The following SLC44A5 variants were observed in gnomAD, a reference collection of about 807,000 sequenced individuals.
SLC44A5 encodes the protein choline transporter-like protein 5.
In SLC44A5, 57 loss-of-function variants were observed where a neutral mutation model predicts 101.8. The observed-to-expected ratio is 0.56, with a 90% CI of 0.45 to 0.70. The LOEUF (loss-of-function observed/expected upper bound fraction) is 0.70, where lower values mean the gene tolerates loss of function less well. Among genes scored for constraint, SLC44A5 ranks in the 30% least tolerant of loss-of-function variants. The pLI, the probability that SLC44A5 is intolerant of heterozygous loss-of-function variation, is 0.00. For synonymous variants in SLC44A5, 281 were observed against 290.9 expected, an observed-to-expected ratio of 0.97 and a Z score of 0.35; for missense variants, 737 against 853.1, an observed-to-expected ratio of 0.86 and a Z score of 1.70.
At chr1:75,569,494 G>A (rs1436889980) in intron 1 of SLC44A5, among the ~76,000 whole-genome samples, 1 of 151,976 alleles carries the variant, frequency 6.6e-6, no homozygotes, top group Non-Finnish European at 1.5e-5. Flanking sequence ...TGCCCTCATA[G>A]GCCTCACAAA....
intron 4 of SLC44A5, among the ~76,000 whole-genome samples, chr1:75,316,386 A>G (rs1371432186): frequency 6.6e-6 from 1 of 151,604 alleles, no homozygotes; most frequent in Non-Finnish European, 1.5e-5. Context: ...CCCAGCTTAA[A>G]TGTTACCACC....
In SLC44A5 at chr1:75,527,270, T is replaced by TAGAAAGGG. The variant is rs200646721; in HGVS notation, c.13+14157_13+14164dup. ...AGAGAGAAGGAAAGAGAGAGAAAGT[T>TAGAAAGGG]AGAAAGGGAGAAAGGGAGAAAGAGA... On this transcript the variant is annotated intron_variant, in intron 2 of 23. Transcript: ENST00000370859. Among the ~76,000 whole-genome samples the TAGAAAGGG allele has an allele frequency of 2.0e-3, 252 of 125,406 alleles. 1 individual carries two copies. Among genetic ancestry groups the TAGAAAGGG allele is most frequent in the Non-Finnish European group, 1.6e-3 (96 of 61,004 alleles). 82.3% of individuals were successfully genotyped at this position (125,406 alleles called of 152,430 possible).
At chr1:75,233,261 T>C (rs973187425) in intron 12 of SLC44A5, among the ~76,000 whole-genome samples, 1 of 152,172 alleles carries the variant, frequency 6.6e-6, no homozygotes, top group African/African-American at 2.4e-5. Context: ...GTTATATGTA[T>C]ATATTGCATA....
rs1647005719 is a variant in SLC44A5 at position 75,218,400 on chromosome 1, C to T, written c.1529+90G>A. ...TTCATACCTTTGATTTCATTTGTAC[C>T]TTGCCACTTGAATTAATGAGCCAAG... On this transcript the variant is annotated intron_variant, in intron 17 of 23. Transcript: ENST00000370859. The T allele has an allele frequency of 3.4e-6, 5 of 1,490,632 alleles. No homozygotes were observed. The South Asian group carries it at 3.8e-5, about 11-fold the overall frequency. The allele number at this position is 1,490,632 out of a possible 1,614,324, so 92.3% of individuals were successfully genotyped here.
At chr1:75,711,871 T>C in the SLC44A5 span, among the ~76,000 whole-genome samples, 3 of 152,238 alleles carry the variant, frequency 2.0e-5, no homozygotes, top group Non-Finnish European at 4.4e-5. Context: ...ATGACCATCT[T>C]ATTCTGACTC....
At chr1:75,527,568 C>T (rs1670489976) in intron 2 of SLC44A5, among the ~76,000 whole-genome samples, 1 of 152,158 alleles carries the variant, frequency 6.6e-6, no homozygotes, top group African/African-American at 2.4e-5. Context: ...TGGAAGAAAA[C>T]ATATCTGGCT....
chr1:75,385,921 T>G (rs1281212925), intron 3 of SLC44A5, among the ~76,000 whole-genome samples: 1 of 152,120 alleles, frequency 6.6e-6, no homozygotes, highest in Non-Finnish European at 1.5e-5. Context: ...AATCAATAAA[T>G]GTAATCCAGC....
upstream of SLC44A5, among the ~76,000 whole-genome samples, chr1:75,613,158 T>TCC (rs1255709531): frequency 6.6e-6 from 1 of 152,218 alleles, no homozygotes; most frequent in Non-Finnish European, 1.5e-5. Context: ...GAATGATCTC[T>TCC]CCCTGCATGC....
At chr1:75,405,399 A>T (rs535119839) in intron 2 of SLC44A5, among the ~76,000 whole-genome samples, 1 of 152,216 alleles carries the variant, frequency 6.6e-6, no homozygotes. Flanking sequence ...TCAACAGAAT[A>T]TACATTCTTC....
At chr1:75,681,816 T>C in the SLC44A5 span, among the ~76,000 whole-genome samples, 1 of 152,102 alleles carries the variant, frequency 6.6e-6, no homozygotes, top group East Asian at 1.9e-4. Context: ...GGAAGTCAAA[T>C]TGTCCCTGTT....
intron 6 of SLC44A5, among the ~76,000 whole-genome samples, chr1:75,274,433 G>A (rs944888025): frequency 6.6e-6 from 1 of 152,092 alleles, no homozygotes; most frequent in African/African-American, 2.4e-5. Flanking sequence ...AAATTTGATG[G>A]AACATTCTTC....
the SLC44A5 span, among the ~76,000 whole-genome samples, chr1:75,646,477 G>A: frequency 1.3e-5 from 2 of 152,222 alleles, no homozygotes; most frequent in East Asian, 3.9e-4. Context: ...AAAGAAATAG[G>A]GAAGCCTGTG....
chr1:75,299,220 A>G (rs541157396), intron 5 of SLC44A5, among the ~76,000 whole-genome samples: 1 of 152,226 alleles, frequency 6.6e-6, no homozygotes, highest in Non-Finnish European at 1.5e-5. Context: ...ACTTTAAGAA[A>G]TAATGAAAGA....
At chr1:75,251,458 CT>C (rs781398346) in intron 6 of SLC44A5, among the ~76,000 whole-genome samples, 164 bp from the exon 7 acceptor site, 4 of 151,304 alleles carry the variant, frequency 2.6e-5, no homozygotes, top group East Asian at 1.9e-4. Flanking sequence ...TTTAAAGTAT[CT>C]TTTTTTTTAA....
intron 5 of SLC44A5, among the ~76,000 whole-genome samples, chr1:75,297,205 C>A (rs1348876640): frequency 1.3e-5 from 2 of 152,198 alleles, no homozygotes; most frequent in African/African-American, 4.8e-5. Flanking sequence ...TAATTTCAAG[C>A]ACTTCCTAAG....
At chr1:75,322,613 CTTGGAT>C (rs1656251298) in intron 4 of SLC44A5, among the ~76,000 whole-genome samples, 1 of 152,156 alleles carries the variant, frequency 6.6e-6, no homozygotes, top group Non-Finnish European at 1.5e-5. Context: ...TGAGGCAAAT[CTTGGAT>C]TTAGAACCAG....
chr1:75,225,435 CT>C lies in SLC44A5; in HGVS notation c.985+2290del, dbSNP rs1372876170. On this transcript the variant is annotated intron_variant, in intron 13 of 23. Coordinates refer to ENST00000370859, the MANE Select transcript of SLC44A5 (RefSeq NM_001130058.2). ...AACACATGACTATCCTATATCCCCT[CT>C]TTTGTTTGAATAAGAGTAAATAATA... 7.9e-5 allele frequency among the ~76,000 whole-genome samples: 12 copies of C among 152,248 alleles called. No homozygotes were observed. In the East Asian group the frequency reaches 2.3e-3, roughly 29 times the overall value.
chr1:75,339,490 T>G, intron 4 of SLC44A5, 92 bp downstream of exon 4: 3 of 981,934 alleles, frequency 3.1e-6, no homozygotes, highest in Non-Finnish European at 4.6e-6. Flanking sequence ...TAGACACAAT[T>G]CTCCACTGAC....
At chr1:75,629,677 G>A in the SLC44A5 span, among the ~76,000 whole-genome samples, 5 of 152,114 alleles carry the variant, frequency 3.3e-5, no homozygotes, top group Admixed American at 2.0e-4. Context: ...CAATAACTTT[G>A]CAAACACATT....
Sources: allele counts gnomAD v4.1 joint callset (sites outside exome capture counted in the v4.1 genomes callset), GRCh38; gene constraint gnomAD v4.1.1; transcripts MANE v1.5; gene names NCBI Gene and HGNC (gene_info 2026-07-23, HGNC 2026-07-21).